ENPP2: variants seen among roughly 807,000 people sequenced by gnomAD.
The protein encoded by ENPP2 is ectonucleotide pyrophosphatase/phosphodiesterase 2, also known as autotaxin.
Under a neutral mutation model 120.2 loss-of-function variants are expected in ENPP2, and 51 were observed. The ratio of observed to expected loss-of-function variants is 0.42; its 90% CI spans 0.34 to 0.54. ENPP2 has a LOEUF of 0.54. Ranked by LOEUF, ENPP2 falls within the 20% of genes least tolerant of loss-of-function variation. ENPP2 has a pLI of 0.04. For missense variants in ENPP2, 920 were observed against 1,066.5 expected, an observed-to-expected ratio of 0.86 and a Z score of 1.91; for synonymous variants, 365 against 366.4, an observed-to-expected ratio of 1.00 and a Z score of 0.04.
chr8:119,641,820 C>A (rs1433867403), upstream of ENPP2, among the ~76,000 whole-genome samples: 1 of 152,160 alleles, frequency 6.6e-6, no homozygotes, highest in Non-Finnish European at 1.5e-5. Flanking sequence ...CAGATAAGAA[C>A]CACGTTTATG....
At chr8:119,606,152 T>C (rs1276045932) in intron 9 of ENPP2, among the ~76,000 whole-genome samples, 2 of 152,184 alleles carry the variant, frequency 1.3e-5, no homozygotes, top group East Asian at 1.9e-4. Flanking sequence ...AGTGTGATCC[T>C]ATTTTTTTAA....
At chr8:119,593,647 G>A (rs888379479) in intron 12 of ENPP2, 105 bp downstream of exon 12, 2 of 737,512 alleles carry the variant, frequency 2.7e-6, no homozygotes, top group African/African-American at 3.5e-5. Context: ...GCGGGGATGA[G>A]GTTAAGAATG....
chr8:119,562,784 G>T (rs1300652140), intron 24 of ENPP2, 73 bp downstream of exon 24: 44 of 1,382,922 alleles, frequency 3.2e-5, no homozygotes, highest in Non-Finnish European at 4.3e-5. Flanking sequence ...CTAGTTCAAT[G>T]ATGGAAATAT....
intron 9 of ENPP2, among the ~76,000 whole-genome samples, 195 bp from the exon 10 acceptor site, chr8:119,601,657 T>C (rs531179266): frequency 6.6e-6 from 1 of 152,226 alleles, no homozygotes; most frequent in African/African-American, 2.4e-5. Context: ...ATTACGTTGC[T>C]CAACCTCTTC....
rs749233342 is a variant in ENPP2 at position 119,600,769 on chromosome 8, G to T, written c.900-19C>A. 6.9e-5 allele frequency: 103 copies of T among 1,485,568 alleles called. No homozygotes were observed. Among genetic ancestry groups the T allele is most frequent in the Non-Finnish European group, 9.6e-5 (102 of 1,065,180 alleles). 92.0% of individuals were successfully genotyped at this position (1,485,568 alleles called of 1,614,324 possible). On this transcript the variant is annotated intron_variant, in intron 10 of 24. Coordinates refer to ENST00000075322, the MANE Select transcript of ENPP2 (RefSeq NM_001040092.3). ...CGAAGGCCTATAAGAAAATTGGAAG[G>T]TTCAGAATCTCTCCTAAACCACATG...
intron 5 of ENPP2, chr8:119,618,032 G>C (rs1270111932): frequency 3.9e-6 from 1 of 257,944 alleles, no homozygotes; most frequent in Non-Finnish European, 7.6e-6. Context: ...AATCAAGACT[G>C]CCCAACAAAA....
intron 19 of ENPP2, among the ~76,000 whole-genome samples, chr8:119,573,553 CTG>C (rs1487162180): frequency 6.6e-6 from 1 of 152,154 alleles, no homozygotes; most frequent in Non-Finnish European, 1.5e-5. Flanking sequence ...TGGCTCACGC[CTG>C]TAAGCCTAGC....
intron 15 of ENPP2, 38 bp from the exon 16 acceptor site, chr8:119,584,087 C>T: frequency 1.5e-6 from 2 of 1,347,904 alleles, no homozygotes; most frequent in East Asian, 2.3e-5. Flanking sequence ...TAGAATTTCT[C>T]ATGAAATTAC....
intron 8 of ENPP2, among the ~76,000 whole-genome samples, chr8:119,614,594 G>C (rs1281833852): frequency 6.6e-6 from 1 of 152,166 alleles, no homozygotes; most frequent in Non-Finnish European, 1.5e-5. Flanking sequence ...TGAATATGTG[G>C]CCTCATCTTC....
At chr8:119,580,473 A>G (rs1331760664) in intron 18 of ENPP2, 2 of 326,810 alleles carry the variant, frequency 6.1e-6, no homozygotes, top group Non-Finnish European at 1.1e-5. Flanking sequence ...ATATATGTGT[A>G]AGTAAATTAG....
intron 19 of ENPP2, among the ~76,000 whole-genome samples, chr8:119,576,339 T>C (rs986793728): frequency 6.6e-6 from 1 of 152,136 alleles, no homozygotes; most frequent in African/African-American, 2.4e-5. Context: ...GGTTTCACCA[T>C]GTTGGTCAGG....
upstream of ENPP2, among the ~76,000 whole-genome samples, chr8:119,640,003 G>A (rs533699202): frequency 6.6e-6 from 1 of 152,226 alleles, no homozygotes; most frequent in South Asian, 2.1e-4. Context: ...AAACAAATAC[G>A]AGACTTACCA....
chr8:119,621,116 A>G (rs1297509300), intron 4 of ENPP2, among the ~76,000 whole-genome samples: 2 of 152,228 alleles, frequency 1.3e-5, no homozygotes, highest in East Asian at 3.8e-4. Flanking sequence ...ATCTGCTTCT[A>G]GAAAACTTGA....
intron 12 of ENPP2, among the ~76,000 whole-genome samples, chr8:119,590,995 T>TAA (rs58061193): frequency 0.13 from 14,448 of 109,712 alleles, 1,154 homozygotes; most frequent in African/African-American, 0.23. Flanking sequence ...ATCTATTCTT[T>TAA]AAAAAAAAAA....
At chr8:119,606,333 A>G (rs1814714079) in intron 9 of ENPP2, among the ~76,000 whole-genome samples, 1 of 152,198 alleles carries the variant, frequency 6.6e-6, no homozygotes, top group Non-Finnish European at 1.5e-5. Flanking sequence ...TTGCCATTCA[A>G]AACCAGAACA....
At chr8:119,586,754 G>C (rs912462769) in intron 14 of ENPP2, among the ~76,000 whole-genome samples, 3 of 152,104 alleles carry the variant, frequency 2.0e-5, no homozygotes, top group Admixed American at 6.5e-5. Flanking sequence ...GGGCAGTTCT[G>C]GTTCAGGGAA....
At position 119,625,983 on chromosome 8, in the gene ENPP2, A is replaced by C. The variant is rs1483975000; in HGVS notation, c.292+582T>G. 7.2e-5 allele frequency among the ~76,000 whole-genome samples: 11 copies of C among 152,346 alleles called. No homozygotes were observed. In the East Asian group the frequency reaches 1.9e-3, roughly 27 times the overall value. On this transcript the variant is annotated intron_variant, in intron 3 of 24. Coordinates refer to ENST00000075322, the MANE Select transcript of ENPP2 (RefSeq NM_001040092.3). ...GCAGACGGCAGGGAATGACAGGCAC[A>C]CTAACAGTTACTGTACGATAAGATG...
intron 8 of ENPP2, among the ~76,000 whole-genome samples, chr8:119,612,846 T>G (rs978353999): frequency 6.6e-6 from 1 of 152,168 alleles, no homozygotes; most frequent in African/African-American, 2.4e-5. Flanking sequence ...GCCAAAATCA[T>G]GCCACTGCAC....
rs1815520361 is a variant in ENPP2 at position 119,617,254 on chromosome 8, A to T, written c.578-11T>A. 6.2e-7 allele frequency: 1 copy of T among 1,602,860 alleles called. No homozygotes were observed. The highest frequency in any genetic ancestry group is 1.3e-5 in the African/African-American group (1 of 74,820). On this transcript the variant is annotated splice_polypyrimidine_tract_variant and intron_variant, in intron 6 of 24. Coordinates refer to ENST00000075322, the MANE Select transcript of ENPP2 (RefSeq NM_001040092.3). ...GTGTGCCACAAGACCCTGGAAAGAG[A>T]ATTGCAAATATTAGAACAAGAGAAC...
Sources: allele counts gnomAD v4.1 joint callset (sites outside exome capture counted in the v4.1 genomes callset), GRCh38; gene constraint gnomAD v4.1.1; transcripts MANE v1.5; gene names NCBI Gene and HGNC (gene_info 2026-07-23, HGNC 2026-07-21).